VRK2: variants seen among roughly 807,000 people sequenced by gnomAD.
VRK2 encodes serine/threonine-protein kinase VRK2.
In VRK2, 60 loss-of-function variants were observed where a neutral mutation model predicts 57.6. That is an observed-to-expected ratio of 1.04 (90% CI 0.85 to 1.29). The LOEUF is 1.29. Among genes scored for constraint, VRK2 ranks in the 50% most tolerant of loss-of-function variants. The probability of loss-of-function intolerance (pLI) is 0.00; values close to 1 mark genes in which losing one functional copy is unlikely to be tolerated. For missense variants in VRK2, 705 were observed against 588.1 expected, an observed-to-expected ratio of 1.20 and a Z score of -2.06; for synonymous variants, 231 against 199.2, an observed-to-expected ratio of 1.16 and a Z score of -1.35.
At chr2:57,980,194 C>T (rs1216925511) in intron 1 of VRK2, among the ~76,000 whole-genome samples, 1 of 152,146 alleles carries the variant, frequency 6.6e-6, no homozygotes, top group African/African-American at 2.4e-5. Flanking sequence ...TTTATCTTAA[C>T]ACTGCTTTAG....
At chr2:58,141,620 T>C (rs1681352029) in intron 11 of VRK2, among the ~76,000 whole-genome samples, 1 of 151,950 alleles carries the variant, frequency 6.6e-6, no homozygotes, top group South Asian at 2.1e-4. Flanking sequence ...AGCAGATCAA[T>C]ATTTATTTAT....
chr2:57,969,110 C>T (rs1672013380), intron 1 of VRK2, among the ~76,000 whole-genome samples: 2 of 151,546 alleles, frequency 1.3e-5, no homozygotes, highest in Admixed American at 1.3e-4. Context: ...GAAATGCTAG[C>T]CTAAATAATT....
intron 7 of VRK2, among the ~76,000 whole-genome samples, chr2:58,094,321 T>C (rs926023611): frequency 1.3e-5 from 2 of 152,236 alleles, no homozygotes; most frequent in African/African-American, 2.4e-5. Flanking sequence ...TCCATTTGTT[T>C]GTGTCCTCTT....
intron 7 of VRK2, among the ~76,000 whole-genome samples, chr2:58,116,295 A>G (rs1222727810): frequency 6.6e-6 from 1 of 151,376 alleles, no homozygotes; most frequent in Non-Finnish European, 1.5e-5. Context: ...AGGAGGACGC[A>G]AAGGAGGCTT....
At chr2:58,151,846 T>A (rs1220147682) in intron 12 of VRK2, among the ~76,000 whole-genome samples, 1 of 147,980 alleles carries the variant, frequency 6.8e-6, no homozygotes, top group Non-Finnish European at 1.5e-5. Context: ...TTTTTGTAAA[T>A]AGTTTTATTG....
chr2:58,070,096 A>T (rs1012823295), intron 2 of VRK2, among the ~76,000 whole-genome samples: 1 of 152,190 alleles, frequency 6.6e-6, no homozygotes, highest in Non-Finnish European at 1.5e-5. Context: ...TTTATTACTA[A>T]CAACTTGAAT....
chr2:57,926,541 G>C (rs10189138), intron 1 of VRK2, among the ~76,000 whole-genome samples: 1 of 149,582 alleles, frequency 6.7e-6, no homozygotes, highest in Non-Finnish European at 1.5e-5. Flanking sequence ...TATATATATA[G>C]AGAGAGAGAA....
At chr2:58,090,986 G>A (rs1672294461) in intron 7 of VRK2, among the ~76,000 whole-genome samples, 1 of 152,132 alleles carries the variant, frequency 6.6e-6, no homozygotes, top group Non-Finnish European at 1.5e-5. Flanking sequence ...TCAACTATAT[G>A]ACATTCTGGA....
chr2:58,053,118 T>G (rs1168814415), intron 2 of VRK2, among the ~76,000 whole-genome samples: 1 of 152,224 alleles, frequency 6.6e-6, no homozygotes, highest in Non-Finnish European at 1.5e-5. Context: ...TGCTTTGTTC[T>G]CTTCCATAAT....
chr2:58,137,202 C>CATATATGATACATGTATA (rs1680549626), intron 10 of VRK2, among the ~76,000 whole-genome samples: 4 of 27,354 alleles, frequency 1.5e-4, no homozygotes, highest in South Asian at 1.3e-3. Context: ...ACATATATAT[C>CATATATGATACATGTATA]TCATATATGA....
intron 2 of VRK2, among the ~76,000 whole-genome samples, chr2:58,079,718 T>G (rs970862048): frequency 6.6e-6 from 1 of 152,014 alleles, no homozygotes; most frequent in Non-Finnish European, 1.5e-5. Flanking sequence ...ATTTTATTGC[T>G]TAATTTGCTT....
intron 11 of VRK2, among the ~76,000 whole-genome samples, chr2:58,144,645 G>A (rs1681846512): frequency 6.6e-6 from 1 of 151,966 alleles, no homozygotes; most frequent in South Asian, 2.1e-4. Context: ...GAGACCCTTT[G>A]TTTCACACTA....
intron 1 of VRK2, among the ~76,000 whole-genome samples, chr2:58,006,436 A>C (rs1353062573): frequency 6.6e-6 from 1 of 152,164 alleles, no homozygotes; most frequent in Non-Finnish European, 1.5e-5. Context: ...GAGTGGATTT[A>C]CCATTTAAGA....
chr2:58,038,692 TA>T (rs1223033986), intron 3 of VRK2, among the ~76,000 whole-genome samples: 1 of 152,150 alleles, frequency 6.6e-6, no homozygotes, highest in African/African-American at 2.4e-5. Context: ...CACACTTTGT[TA>T]AAATGGTATA....
chr2:58,118,909 G>A (rs1473956870), intron 7 of VRK2, among the ~76,000 whole-genome samples: 1 of 152,184 alleles, frequency 6.6e-6, no homozygotes, highest in African/African-American at 2.4e-5. Context: ...GTCACAAGGT[G>A]CTCAGTGGGG....
chr2:57,948,661 AG>A (rs1671332894), intron 1 of VRK2, among the ~76,000 whole-genome samples: 1 of 152,186 alleles, frequency 6.6e-6, no homozygotes, highest in African/African-American at 2.4e-5. Context: ...CTTAGAAAGA[AG>A]AAAGATTTGG....
intron 12 of VRK2, among the ~76,000 whole-genome samples, chr2:58,148,982 G>A (rs1334105517): frequency 6.6e-6 from 1 of 151,638 alleles, no homozygotes; most frequent in Non-Finnish European, 1.5e-5. Context: ...TTAGGTCCTA[G>A]TCTCCTCCAT....
exon 3 of VRK2, chr2:58,033,492 A>G (rs1048975114): frequency 6.6e-6 from 1 of 152,020 alleles, no homozygotes; most frequent in African/African-American, 2.4e-5. Flanking sequence ...TCTCCCCTAG[A>G]GCCTCAAGAA....
At chr2:58,009,936 C>T (rs1673367959) in intron 1 of VRK2, among the ~76,000 whole-genome samples, 1 of 151,904 alleles carries the variant, frequency 6.6e-6, no homozygotes, top group Admixed American at 6.6e-5. Context: ...GTGTATATTC[C>T]AGTGTCCAAT....
Sources: gnomAD v4.1 joint callset for allele counts (sites outside exome capture counted in the v4.1 genomes callset) on GRCh38, gnomAD v4.1.1 for gene constraint, MANE v1.5 for transcripts, NCBI Gene and HGNC (gene_info 2026-07-23, HGNC 2026-07-21) for gene names.